The following SENP7 variants were observed in gnomAD, a reference collection of about 807,000 sequenced individuals.
SENP7 encodes SUMO specific peptidase 7, also known as sentrin-specific protease 7.
SENP7 carries 64 observed loss-of-function variants against 141.2 expected under a neutral mutation model. The observed-to-expected ratio is 0.45, with a 90% confidence interval of 0.37 to 0.56. The LOEUF is 0.56. Among genes scored for constraint, SENP7 ranks in the 20% least tolerant of loss-of-function variants. SENP7 has a pLI of 0.00. For missense variants in SENP7, 1,025 were observed against 1,212.2 expected, an observed-to-expected ratio of 0.85 and a Z score of 2.29; for synonymous variants, 382 against 426.4, an observed-to-expected ratio of 0.90 and a Z score of 1.28.
intron 4 of SENP7, among the ~76,000 whole-genome samples, chr3:101,448,788 G>C (rs1393161671): frequency 6.6e-6 from 1 of 152,158 alleles, no homozygotes; most frequent in African/African-American, 2.4e-5. Flanking sequence ...AAACAGAGCA[G>C]AAAAACTGGA....
rs1415439950 is a variant in SENP7, at chr3:101,499,397, C to T, written c.90+1673G>A. Among the ~76,000 whole-genome samples, 4 of 152,140 alleles carry T rather than the reference C, an allele frequency of 2.6e-5. No individual in the cohort carries two copies. The East Asian group carries it at 7.7e-4, about 29-fold the overall frequency. On this transcript the variant is annotated intron_variant, in intron 2 of 23. Transcript: ENST00000394095. ...TTTAGGGGGCAGCGGGGGACAGAGT[C>T]TCGCTCTGTCACCCAGACTGGAGTG... is the stretch of plus-strand genomic sequence containing the variant.
chr3:101,382,517 G>A (rs2682391), intron 6 of SENP7, among the ~76,000 whole-genome samples: 48,499 of 151,980 alleles, frequency 0.32, 8,236 homozygotes, highest in Non-Finnish European at 0.38. Context: ...TATATTATTT[G>A]GAAATTAAAT....
chr3:101,361,891 T>C (rs2059911884), intron 10 of SENP7, 30 bp from the exon 11 acceptor site: 2 of 1,571,928 alleles, frequency 1.3e-6, no homozygotes, highest in African/African-American at 2.8e-5. Context: ...AAAATGCATA[T>C]AATTCTTAAG....
chr3:101,490,582 T>A (rs187021439), intron 3 of SENP7, among the ~76,000 whole-genome samples: 16 of 152,164 alleles, frequency 1.1e-4, no homozygotes, highest in African/African-American at 3.9e-4. Flanking sequence ...TTGATTTTTT[T>A]AAAAGATAAA....
chr3:101,457,858 GT>G (rs1246919403), intron 4 of SENP7: 8 of 511,466 alleles, frequency 1.6e-5, no homozygotes, highest in Non-Finnish European at 2.5e-5. Context: ...AATGATGTAT[GT>G]TGTGAAGCAT....
chr3:101,327,175 T>G (rs1376076577), intron 23 of SENP7, among the ~76,000 whole-genome samples: 1 of 151,966 alleles, frequency 6.6e-6, no homozygotes, highest in Non-Finnish European at 1.5e-5. Flanking sequence ...TCTTTCTCTT[T>G]AAAAAAAATC....
chr3:101,502,360 T>C (rs2108166909), intron 1 of SENP7, among the ~76,000 whole-genome samples: 1 of 152,328 alleles, frequency 6.6e-6, no homozygotes, highest in South Asian at 2.1e-4. Context: ...TGGAGTGCAA[T>C]GGCACAATCT....
At chr3:101,512,974 TCCCCGCCCCCGC>T in intron 1 of SENP7, 105 bp downstream of exon 1, 5 of 1,181,150 alleles carry the variant, frequency 4.2e-6, no homozygotes, top group South Asian at 2.4e-5. Flanking sequence ...CCCCTTCCTC[TCCCCGCCCCCGC>T]CCTCGCCCCC....
chr3:101,458,924 C>A, intron 4 of SENP7, 31 bp downstream of exon 4: 1 of 1,296,908 alleles, frequency 7.7e-7, no homozygotes, highest in South Asian at 1.3e-5. Flanking sequence ...TAGGTTAAGC[C>A]CATACTATGT....
intron 4 of SENP7, among the ~76,000 whole-genome samples, chr3:101,426,725 T>C (rs1283695972): frequency 1.3e-5 from 2 of 152,138 alleles, no homozygotes; most frequent in Non-Finnish European, 2.9e-5. Flanking sequence ...CAAGTGATCC[T>C]CCCACCTCAG....
At chr3:101,431,299 T>C (rs952948446) in intron 4 of SENP7, among the ~76,000 whole-genome samples, 53 of 152,054 alleles carry the variant, frequency 3.5e-4, no homozygotes, top group African/African-American at 1.3e-3. Context: ...CTCCCACTAT[T>C]ATTGTTTGGG....
At chr3:101,414,389 A>G in intron 5 of SENP7, 1 of 950,886 alleles carries the variant, frequency 1.1e-6, no homozygotes. Flanking sequence ...AAGCACTGCC[A>G]TGTGCTTCTG....
intron 4 of SENP7, among the ~76,000 whole-genome samples, chr3:101,444,508 AT>A (rs2062808518): frequency 1.3e-5 from 2 of 152,100 alleles, no homozygotes; most frequent in Admixed American, 1.3e-4. Flanking sequence ...TCCAACAATG[AT>A]AGACTGGATG....
At chr3:101,441,990 A>G (rs2062694374) in intron 4 of SENP7, among the ~76,000 whole-genome samples, 1 of 152,194 alleles carries the variant, frequency 6.6e-6, no homozygotes, top group South Asian at 2.1e-4. Flanking sequence ...CACTGCATCC[A>G]CTCAGAATAC....
chr3:101,443,305 C>T (rs1481409772), intron 4 of SENP7, among the ~76,000 whole-genome samples: 6 of 152,104 alleles, frequency 3.9e-5, no homozygotes, highest in African/African-American at 1.4e-4. Flanking sequence ...TTCCATTGAT[C>T]TATATCTCTG....
intron 4 of SENP7, among the ~76,000 whole-genome samples, chr3:101,439,082 G>C (rs1206088535): frequency 8.0e-6 from 1 of 125,592 alleles, no homozygotes; most frequent in African/African-American, 2.9e-5. Flanking sequence ...CATCTAGGAA[G>C]TGAGGAGCGC....
At chr3:101,466,917 T>G (rs2063777338) in intron 3 of SENP7, among the ~76,000 whole-genome samples, 1 of 152,174 alleles carries the variant, frequency 6.6e-6, no homozygotes, top group Non-Finnish European at 1.5e-5. Flanking sequence ...GTCAGGGGAC[T>G]TCCCTTTCCT....
chr3:101,402,398 C>T (rs369628072), intron 5 of SENP7, among the ~76,000 whole-genome samples: 4 of 151,828 alleles, frequency 2.6e-5, no homozygotes, highest in Non-Finnish European at 4.4e-5. Flanking sequence ...CAGAGGCCGG[C>T]GGATAACTTG....
chr3:101,445,001 A>G (rs1309460699), intron 4 of SENP7, among the ~76,000 whole-genome samples: 1 of 152,132 alleles, frequency 6.6e-6, no homozygotes, highest in Non-Finnish European at 1.5e-5. Flanking sequence ...TACCAAATAG[A>G]TTCAATCCAA....
Sources: gnomAD v4.1 joint callset for allele counts (sites outside exome capture counted in the v4.1 genomes callset) on GRCh38, gnomAD v4.1.1 for gene constraint, MANE v1.5 for transcripts, NCBI Gene and HGNC (gene_info 2026-07-23, HGNC 2026-07-21) for gene names.